The following NPAS3 variants were observed in gnomAD, a reference collection of about 807,000 sequenced individuals.
The protein encoded by NPAS3 is neuronal PAS domain protein 3.
Under a neutral mutation model 73.1 loss-of-function variants are expected in NPAS3, and 14 were observed. The observed-to-expected ratio is 0.19, with a 90% confidence interval of 0.13 to 0.30. NPAS3 has a LOEUF of 0.30. Among genes scored for constraint, NPAS3 ranks in the 10% least tolerant of loss-of-function variants. The probability of loss-of-function intolerance (pLI) is 1.00; values close to 1 mark genes in which losing one functional copy is unlikely to be tolerated. For synonymous variants in NPAS3, 620 were observed against 541.5 expected (o/e 1.14, Z -2.01); for missense variants, 1,096 against 1,250.0 (o/e 0.88, Z 1.86).
intron 3 of NPAS3, among the ~76,000 whole-genome samples, chr14:33,249,207 A>G (rs1263715836): frequency 2.0e-5 from 3 of 152,138 alleles, no homozygotes; most frequent in Non-Finnish European, 4.4e-5. Flanking sequence ...AGATTATGTA[A>G]ACACTACTTA....
intron 1 of NPAS3, among the ~76,000 whole-genome samples, chr14:32,962,745 T>G (rs148393534): frequency 6.6e-6 from 1 of 151,550 alleles, no homozygotes; most frequent in African/African-American, 2.4e-5. Flanking sequence ...GTATTTTTAG[T>G]AGAGACGGGG....
At chr14:33,237,667 G>A (rs1016110657) in intron 3 of NPAS3, among the ~76,000 whole-genome samples, 2 of 151,946 alleles carry the variant, frequency 1.3e-5, no homozygotes, top group Non-Finnish European at 2.9e-5. Context: ...ATGGAGGGTA[G>A]TATATAAAGT....
At chr14:33,539,324 A>G (rs2054400874) in intron 4 of NPAS3, among the ~76,000 whole-genome samples, 2 of 152,070 alleles carry the variant, frequency 1.3e-5, no homozygotes, top group African/African-American at 2.4e-5. Context: ...GAGAGATATG[A>G]ACATGAACTC....
At chr14:33,093,570 A>G (rs1014642508) in intron 2 of NPAS3, among the ~76,000 whole-genome samples, 7 of 152,192 alleles carry the variant, frequency 4.6e-5, no homozygotes, top group African/African-American at 1.7e-4. Flanking sequence ...GCGATTCCTC[A>G]GGGATCTAGA....
At chr14:33,531,453 T>C (rs1007004108) in intron 4 of NPAS3, among the ~76,000 whole-genome samples, 1 of 152,136 alleles carries the variant, frequency 6.6e-6, no homozygotes, top group African/African-American at 2.4e-5. Context: ...TGATACAGTA[T>C]GTAAGCTTTC....
intron 2 of NPAS3, among the ~76,000 whole-genome samples, chr14:33,185,854 C>CT (rs1263399222): frequency 3.9e-5 from 6 of 152,118 alleles, no homozygotes; most frequent in Non-Finnish European, 7.4e-5. Flanking sequence ...ACTGACTAGG[C>CT]TTTTTTTCCC....
chr14:32,972,666 G>T (rs2037485412), intron 1 of NPAS3, among the ~76,000 whole-genome samples: 1 of 152,178 alleles, frequency 6.6e-6, no homozygotes, highest in Non-Finnish European at 1.5e-5. Flanking sequence ...TGCTTTGTCT[G>T]CTGTGGAACC....
At chr14:33,759,979 A>C (rs2062232919) in intron 7 of NPAS3, among the ~76,000 whole-genome samples, 2 of 152,350 alleles carry the variant, frequency 1.3e-5, no homozygotes, top group South Asian at 4.1e-4. Context: ...TAGTACACTT[A>C]AATTTCTAAG....
At chr14:33,771,607 T>G (rs2062653816) in intron 7 of NPAS3, among the ~76,000 whole-genome samples, 1 of 151,916 alleles carries the variant, frequency 6.6e-6, no homozygotes, top group South Asian at 2.1e-4. Flanking sequence ...ATCAGGAGAT[T>G]GAGACCATCC....
chr14:33,390,719 C>T (rs1212596421), intron 4 of NPAS3, among the ~76,000 whole-genome samples: 2 of 152,098 alleles, frequency 1.3e-5, no homozygotes, highest in Non-Finnish European at 2.9e-5. Context: ...CTCTTAAGTT[C>T]CCATCTTTAA....
intron 4 of NPAS3, among the ~76,000 whole-genome samples, chr14:33,381,274 C>T (rs78682193): frequency 0.14 from 21,842 of 152,104 alleles, 1,754 homozygotes; most frequent in African/African-American, 0.18. Flanking sequence ...TTTAATCTTC[C>T]GGAAGATATT....
At chr14:33,342,667 T>C (rs1444722137) in intron 3 of NPAS3, among the ~76,000 whole-genome samples, 1 of 152,238 alleles carries the variant, frequency 6.6e-6, no homozygotes, top group Non-Finnish European at 1.5e-5. Flanking sequence ...TAAATTGACC[T>C]GACATTTCCA....
At chr14:33,130,897 G>A (rs574509369) in intron 2 of NPAS3, among the ~76,000 whole-genome samples, 1 of 152,254 alleles carries the variant, frequency 6.6e-6, no homozygotes, top group African/African-American at 2.4e-5. Context: ...TGAAGCTTGT[G>A]TTATAAGAAA....
chr14:33,635,939 G>C (rs1163226612), intron 5 of NPAS3, among the ~76,000 whole-genome samples: 1 of 152,048 alleles, frequency 6.6e-6, no homozygotes, highest in African/African-American at 2.4e-5. Flanking sequence ...CTGTAAACAC[G>C]ACTAGACCTA....
chr14:33,607,319 A>G (rs1382607780), intron 5 of NPAS3, among the ~76,000 whole-genome samples: 1 of 152,096 alleles, frequency 6.6e-6, no homozygotes, highest in Non-Finnish European at 1.5e-5. Context: ...GGATACTACT[A>G]CTCAGCAATA....
chr14:33,652,833 T>C (rs991702543), intron 5 of NPAS3, among the ~76,000 whole-genome samples: 1 of 152,202 alleles, frequency 6.6e-6, no homozygotes, highest in African/African-American at 2.4e-5. Flanking sequence ...TAGATTTAGA[T>C]GCAATAAGCT....
chr14:33,586,389 T>C (rs117580836), intron 5 of NPAS3, among the ~76,000 whole-genome samples: 2,410 of 152,100 alleles, frequency 0.016, 31 homozygotes, highest in Non-Finnish European at 0.027. Context: ...ACAGATACTT[T>C]CTTGGTTAAA....
chr14:33,617,381 C>A (rs1215482300), intron 5 of NPAS3, among the ~76,000 whole-genome samples: 2 of 152,068 alleles, frequency 1.3e-5, no homozygotes, highest in Non-Finnish European at 2.9e-5. Context: ...GTTGCTTGCT[C>A]CTTGGGAAAG....
intron 3 of NPAS3, among the ~76,000 whole-genome samples, chr14:33,320,241 G>A (rs979998774): frequency 6.6e-6 from 1 of 152,120 alleles, no homozygotes; most frequent in African/African-American, 2.4e-5. Flanking sequence ...GAGAGTAAGA[G>A]AGAGGGCTGA....
Sources: allele counts gnomAD v4.1 joint callset (sites outside exome capture counted in the v4.1 genomes callset), GRCh38; gene constraint gnomAD v4.1.1; transcripts MANE v1.5; gene names NCBI Gene and HGNC (gene_info 2026-07-23, HGNC 2026-07-21).